The following TEK variants were observed in gnomAD, a reference collection of about 807,000 sequenced individuals.
The protein encoded by TEK is angiopoietin-1 receptor.
Under a neutral mutation model 131.8 loss-of-function variants are expected in TEK, and 43 were observed. The ratio of observed to expected loss-of-function variants is 0.33; its 90% confidence interval spans 0.26 to 0.42. The LOEUF is 0.42. TEK is among the 10% of genes least tolerant of loss of function. The pLI, the probability that TEK is intolerant of heterozygous loss-of-function variation, is 1.00. For synonymous variants in TEK, 580 were observed against 491.6 expected (o/e 1.18, Z -2.38); for missense variants, 1,162 against 1,384.4 (o/e 0.84, Z 2.55).
rs988205277 is a variant in TEK at position 27,229,967 on chromosome 9, T to C, written c.*735T>C. On this transcript the variant is annotated 3_prime_UTR_variant, in exon 23 of 23. Coordinates refer to ENST00000380036, the MANE Select transcript of TEK (RefSeq NM_000459.5). ...TTTTCTTTTCTTTTCTCTGGTAATA[T>C]TGACTTGTATATTTTAAGAAATAAC... 1.3e-5 allele frequency: 2 copies of C among 152,292 alleles called. No homozygotes were observed. The highest frequency in any genetic ancestry group is 4.8e-5 in the African/African-American group (2 of 41,464). 9.4% of individuals were successfully genotyped at this position (152,292 alleles called of 1,614,324 possible).
At chr9:27,223,056 C>T (rs1826153523) in intron 21 of TEK, among the ~76,000 whole-genome samples, 1 of 152,160 alleles carries the variant, frequency 6.6e-6, no homozygotes, top group East Asian at 1.9e-4. Context: ...GGGATCAATG[C>T]ACCAAGAACA....
chr9:27,197,648 C>A (rs768900928), intron 12 of TEK, 49 bp downstream of exon 12: 1 of 1,607,738 alleles, frequency 6.2e-7, no homozygotes, highest in South Asian at 1.1e-5. Flanking sequence ...AAGGGGCTAC[C>A]GCCATGCAGA....
intron 18 of TEK, among the ~76,000 whole-genome samples, chr9:27,216,707 A>C (rs1825830862): frequency 6.6e-6 from 1 of 152,226 alleles, no homozygotes; most frequent in Non-Finnish European, 1.5e-5. Flanking sequence ...TTGCACATTC[A>C]GGAATCGTCC....
At chr9:27,195,220 G>T (rs1287657712) in intron 11 of TEK, among the ~76,000 whole-genome samples, 1 of 152,114 alleles carries the variant, frequency 6.6e-6, no homozygotes, top group Non-Finnish European at 1.5e-5. Context: ...GAAAATGCAT[G>T]CCTAGCTGCT....
intron 21 of TEK, among the ~76,000 whole-genome samples, chr9:27,222,451 G>C (rs1587050579): frequency 6.6e-6 from 1 of 152,220 alleles, no homozygotes; most frequent in Middle Eastern, 3.4e-3. Context: ...AAAATGTTAA[G>C]GGCAGCCAGA....
intron 7 of TEK, among the ~76,000 whole-genome samples, chr9:27,182,087 T>C (rs1043334508): frequency 6.6e-6 from 1 of 152,206 alleles, no homozygotes; most frequent in African/African-American, 2.4e-5. Flanking sequence ...ATGGGGCTAC[T>C]AGGGGATTGT....
chr9:27,218,736 CTGTT>C (rs1322948466), intron 19 of TEK, 37 bp from the exon 20 acceptor site: 3 of 1,612,490 alleles, frequency 1.9e-6, no homozygotes, highest in South Asian at 1.1e-5. Context: ...AGCGGTGACT[CTGTT>C]TGCTGATTGT....
chr9:27,192,533 G>A lies in TEK; in HGVS notation c.1534G>A (p.Glu512Lys). Residue 512 changes from glutamate (E) to lysine (K), a missense_variant, in exon 11 of 23, where the codon GAA becomes AAA. Transcript: ENST00000380036. ...VTLNYLEPRT[E>K]YELCVQLVRR... The stretch of plus-strand genomic sequence containing the variant: ...ACTCAACTATTTGGAACCTCGGACA[G>A]AATATGAACTCTGTGTGCAACTGGT... 1 of 1,614,036 alleles carries A rather than the reference G, an allele frequency of 6.2e-7. No homozygotes were observed. The highest frequency in any genetic ancestry group is 1.3e-5 in the African/African-American group (1 of 75,032).
rs369048700 is a variant in TEK, at chr9:27,157,966, C to G, written c.188C>G (p.Ala63Gly). 1.9e-6 allele frequency: 3 copies of G among 1,613,890 alleles called. No individual in the cohort carries two copies. Among genetic ancestry groups the G allele is most frequent in the Non-Finnish European group, 2.5e-6 (3 of 1,179,984 alleles). Residue 63 changes from alanine to glycine, a missense_variant, in exon 2 of 23, where the codon GCC (alanine) becomes GGC (glycine). Physicochemically the swap from Ala to Gly is moderately conservative, Grantham distance 60. Transcript: ENST00000380036. ...ATCACCATAGGAAGGGACTTTGAAG[C>G]CTTAATGAACCAGCACCAGGATCCG... Reference protein sequence around the residue: ...EPITIGRDFEALMNQHQDPLE... With the variant: ...EPITIGRDFEGLMNQHQDPLE...
chr9:27,143,610 T>G (rs1204765842), intron 1 of TEK, among the ~76,000 whole-genome samples: 1 of 152,228 alleles, frequency 6.6e-6, no homozygotes, highest in African/African-American at 2.4e-5. Flanking sequence ...TTTCATGTTT[T>G]AGATGGCTTT....
Position 27,199,846 on chromosome 9 carries a change from C to A in TEK, c.1909+2247C>A, listed in dbSNP as rs182596054. Among the ~76,000 whole-genome samples the A allele has an allele frequency of 4.9e-4, 74 of 152,232 alleles. 2 individuals carry two copies. Among genetic ancestry groups the A allele is most frequent in the Non-Finnish European group, 2.9e-5 (2 of 68,016 alleles). On this transcript the variant is annotated intron_variant, in intron 12 of 22. Coordinates refer to ENST00000380036, the MANE Select transcript of TEK (RefSeq NM_000459.5). ...ACCTTGTTTGTGGTGGCTTTTAACC[C>A]ACAGACACTTGACATTTTGATGCAG...
At chr9:27,117,806 AGGT>A (rs972368050) in intron 1 of TEK, among the ~76,000 whole-genome samples, 1 of 152,128 alleles carries the variant, frequency 6.6e-6, no homozygotes, top group African/African-American at 2.4e-5. Flanking sequence ...TTGACCAGTG[AGGT>A]GTATGTGCTG....
At chr9:27,208,652 A>G (rs991453224) in intron 15 of TEK, among the ~76,000 whole-genome samples, 2 of 152,212 alleles carry the variant, frequency 1.3e-5, no homozygotes, top group Non-Finnish European at 2.9e-5. Context: ...GTGATGTTTC[A>G]TGGAAACTTT....
intron 17 of TEK, 129 bp from the exon 18 acceptor site, chr9:27,213,355 T>G (rs1015126697): frequency 2.9e-6 from 2 of 691,186 alleles, no homozygotes; most frequent in African/African-American, 3.6e-5. Flanking sequence ...GGAGGGGAAC[T>G]TTAAGGGAAC....
rs1234173899 is a variant in TEK at position 27,230,054 on chromosome 9, A to G, written c.*822A>G. 1 of 152,224 alleles carries G rather than the reference A, an allele frequency of 6.6e-6. No homozygotes were observed. The highest frequency in any genetic ancestry group is 1.5e-5 in the Non-Finnish European group (1 of 68,072). The allele number at this position is 152,224 out of a possible 1,614,324, so 9.4% of individuals were successfully genotyped here. ...TTATATATTGAATTAATATCCCTAC[A>G]TGTATTGCACATTGTAAAAAGTTTT... On this transcript the variant is annotated 3_prime_UTR_variant, in exon 23 of 23. Coordinates refer to ENST00000380036, the MANE Select transcript of TEK (RefSeq NM_000459.5).
At chr9:27,156,422 A>G (rs1040590308) in intron 1 of TEK, among the ~76,000 whole-genome samples, 1 of 152,002 alleles carries the variant, frequency 6.6e-6, no homozygotes, top group African/African-American at 2.4e-5. Flanking sequence ...ATGAGAGTGT[A>G]TAGGTATTAT....
intron 8 of TEK, 47 bp downstream of exon 8, chr9:27,183,657 A>T: frequency 6.2e-7 from 1 of 1,608,250 alleles, no homozygotes. Context: ...GAGATGCTTC[A>T]GTGTAGTAAT....
intron 20 of TEK, among the ~76,000 whole-genome samples, chr9:27,219,538 G>A (rs185607139): frequency 1.1e-4 from 17 of 152,254 alleles, no homozygotes; most frequent in African/African-American, 3.9e-4. Context: ...CCTAATGTAT[G>A]TGGGGCTTAA....
rs1423361120 is a variant in TEK, at chr9:27,146,718, C to CTTTT, written c.53-11112_53-11111insTTTT. 2.8e-3 allele frequency among the ~76,000 whole-genome samples: 364 copies of CTTTT among 129,560 alleles called. 10 individuals are homozygous for CTTTT. The highest frequency in any genetic ancestry group is 0.01 in the African/African-American group (351 of 33,984). 85.0% of individuals were successfully genotyped at this position (129,560 alleles called of 152,430 possible). A position where few individuals can be genotyped will look rare whatever the true frequency, so the allele number is the denominator to read the frequency against. ...AATAAATAGAGCTGCTATAAACATT[C>CTTTT]TATTTTTTTTTTTTTTTTTTTTGGC... is the stretch of plus-strand genomic sequence containing the variant. On this transcript the variant is annotated intron_variant, in intron 1 of 22. Transcript: ENST00000380036.
Sources: allele counts gnomAD v4.1 joint callset (sites outside exome capture counted in the v4.1 genomes callset), GRCh38; gene constraint gnomAD v4.1.1; transcripts MANE v1.5; gene names NCBI Gene and HGNC (gene_info 2026-07-23, HGNC 2026-07-21).